Variants in GLG1 observed in about 807,000 individuals in gnomAD.
GLG1 encodes the protein Golgi apparatus protein 1.
A neutral mutation model predicts 160.5 loss-of-function variants in GLG1; 38 were observed. The ratio of observed to expected loss-of-function variants is 0.24; its 90% CI spans 0.18 to 0.31. GLG1 has a LOEUF of 0.31. Among genes scored for constraint, GLG1 ranks in the 10% least tolerant of loss-of-function variants. GLG1 has a pLI of 1.00. For synonymous variants in GLG1, 644 were observed against 543.4 expected, an observed-to-expected ratio of 1.19 and a Z score of -2.57; for missense variants, 1,373 against 1,505.2, an observed-to-expected ratio of 0.91 and a Z score of 1.45.
At chr16:74,575,173 G>A (rs2018966516) in intron 1 of GLG1, among the ~76,000 whole-genome samples, 1 of 151,704 alleles carries the variant, frequency 6.6e-6, no homozygotes, top group South Asian at 2.1e-4. Context: ...TTGAACCTGG[G>A]AGGCAGAGGC....
intron 1 of GLG1, among the ~76,000 whole-genome samples, chr16:74,559,727 T>C (rs1195132812): frequency 6.6e-6 from 1 of 152,116 alleles, no homozygotes; most frequent in Non-Finnish European, 1.5e-5. Flanking sequence ...GTATCATGTC[T>C]CTATTGATGA....
intron 1 of GLG1, among the ~76,000 whole-genome samples, chr16:74,605,257 C>T (rs1294564405): frequency 6.6e-6 from 1 of 151,464 alleles, no homozygotes; most frequent in Non-Finnish European, 1.5e-5. Context: ...AAACTGCCTC[C>T]TTTAAGTGGA....
intron 1 of GLG1, among the ~76,000 whole-genome samples, chr16:74,549,639 C>A (rs2018144948): frequency 6.6e-6 from 1 of 151,988 alleles, no homozygotes; most frequent in Non-Finnish European, 1.5e-5. Context: ...ATAGCACGTT[C>A]AATATTTGCT....
At chr16:74,501,344 A>T (rs2016398114) in intron 4 of GLG1, among the ~76,000 whole-genome samples, 1 of 152,242 alleles carries the variant, frequency 6.6e-6, no homozygotes, top group Non-Finnish European at 1.5e-5. Flanking sequence ...GTGACCTGGT[A>T]TAAACTGAAA....
chr16:74,591,385 T>G (rs944286110), intron 1 of GLG1, among the ~76,000 whole-genome samples: 2 of 149,912 alleles, frequency 1.3e-5, no homozygotes, highest in East Asian at 3.9e-4. Context: ...TCCCAGCACT[T>G]TGGGAGGCTG....
At chr16:74,568,606 C>G (rs970851720) in intron 1 of GLG1, among the ~76,000 whole-genome samples, 1 of 151,930 alleles carries the variant, frequency 6.6e-6, no homozygotes, top group African/African-American at 2.4e-5. Context: ...TTAGTAGAGA[C>G]GGGGTTTCAC....
chr16:74,464,931 C>A (rs2014944563), intron 19 of GLG1, among the ~76,000 whole-genome samples: 1 of 152,156 alleles, frequency 6.6e-6, no homozygotes, highest in African/African-American at 2.4e-5. Flanking sequence ...CAGCCTGCGC[C>A]TCCCAGGAGC....
chr16:74,454,591 G>A (rs1437731376), intron 25 of GLG1, among the ~76,000 whole-genome samples: 4 of 137,592 alleles, frequency 2.9e-5, no homozygotes, highest in African/African-American at 5.4e-5. Flanking sequence ...GCTTGAACCC[G>A]GGAGGCGGAG....
chr16:74,548,018 C>A (rs2018096574), intron 1 of GLG1, among the ~76,000 whole-genome samples: 1 of 152,242 alleles, frequency 6.6e-6, no homozygotes, highest in African/African-American at 2.4e-5. Flanking sequence ...GCAACTTCCA[C>A]CTCTGCATTC....
chr16:74,524,650 T>C (rs1567502664), intron 2 of GLG1, among the ~76,000 whole-genome samples: 1 of 151,960 alleles, frequency 6.6e-6, no homozygotes, highest in Non-Finnish European at 1.5e-5. Context: ...GGGAAGTACA[T>C]AAGGATATAA....
intron 4 of GLG1, among the ~76,000 whole-genome samples, chr16:74,502,860 G>A (rs1486026410): frequency 2.0e-5 from 3 of 148,264 alleles, no homozygotes; most frequent in Admixed American, 6.8e-5. Flanking sequence ...ATGAGCCACC[G>A]CGCCCGGCCA....
At chr16:74,549,478 G>A (rs1465022677) in intron 1 of GLG1, among the ~76,000 whole-genome samples, 1 of 152,108 alleles carries the variant, frequency 6.6e-6, no homozygotes, top group Non-Finnish European at 1.5e-5. Flanking sequence ...AGTAGAGACG[G>A]GGTTTCACTG....
At chr16:74,550,784 A>T (rs2143695889) in intron 1 of GLG1, among the ~76,000 whole-genome samples, 1 of 152,320 alleles carries the variant, frequency 6.6e-6, no homozygotes, top group Non-Finnish European at 1.5e-5. Context: ...GTGATACTAT[A>T]AATATAAAGG....
chr16:74,546,562 C>T (rs2018051418), intron 1 of GLG1, among the ~76,000 whole-genome samples: 1 of 151,764 alleles, frequency 6.6e-6, no homozygotes, highest in Non-Finnish European at 1.5e-5. Context: ...CTAGGCCAGG[C>T]GTGGTGGCTC....
rs8058361 is a variant in GLG1, at chr16:74,463,563, G to A, written c.2668-84C>T. ...CGACCACTTTTTTTTTTCTGGAGAC[G>A]GAGTCTCACCGTGTCACCCAGGCTG... is the stretch of plus-strand genomic sequence containing the variant. On this transcript the variant is annotated intron_variant, in intron 19 of 25. Coordinates refer to ENST00000422840, the MANE Select transcript of GLG1 (RefSeq NM_001145667.2). 8,258 of 1,368,302 alleles carry A rather than the reference G, an allele frequency of 6.0e-3. 384 individuals carry two copies. The African/African-American group carries it at 0.1, about 17-fold the overall frequency. 84.8% of individuals were successfully genotyped at this position (1,368,302 alleles called of 1,614,324 possible).
At chr16:74,508,295 G>A (rs1248541638) in intron 3 of GLG1, among the ~76,000 whole-genome samples, 2 of 140,972 alleles carry the variant, frequency 1.4e-5, no homozygotes, top group African/African-American at 5.2e-5. Flanking sequence ...TGGCTTCCTG[G>A]AGTTTCTATT....
At chr16:74,501,948 G>T (rs141366985) in intron 4 of GLG1, among the ~76,000 whole-genome samples, 365 of 152,276 alleles carry the variant, frequency 2.4e-3, no homozygotes, top group African/African-American at 8.0e-3. Context: ...ACTCGGATAA[G>T]GGATCAGGCC....
intron 2 of GLG1, among the ~76,000 whole-genome samples, chr16:74,524,069 T>A (rs528512715): frequency 2.0e-5 from 3 of 152,124 alleles, no homozygotes; most frequent in Admixed American, 6.5e-5. Context: ...AAAAACTAGC[T>A]GGGTGTGGTA....
intron 1 of GLG1, among the ~76,000 whole-genome samples, chr16:74,537,163 A>G (rs906067452): frequency 1.3e-5 from 2 of 152,230 alleles, no homozygotes; most frequent in African/African-American, 2.4e-5. Context: ...TATTATAAAC[A>G]GAAGAATGAG....
Sources: gnomAD v4.1 joint callset for allele counts (sites outside exome capture counted in the v4.1 genomes callset) on GRCh38, gnomAD v4.1.1 for gene constraint, MANE v1.5 for transcripts, NCBI Gene and HGNC (gene_info 2026-07-23, HGNC 2026-07-21) for gene names.